FLI1: variants seen among roughly 807,000 people sequenced by gnomAD.
FLI1 encodes the protein Friend leukemia integration 1 transcription factor.
FLI1 carries 13 observed loss-of-function variants against 53.1 expected under a neutral mutation model. The ratio of observed to expected loss-of-function variants is 0.24; its 90% CI spans 0.16 to 0.39. The LOEUF is 0.39. Ranked by LOEUF, FLI1 falls within the 10% of genes least tolerant of loss-of-function variation. The pLI, the probability that FLI1 is intolerant of heterozygous loss-of-function variation, is 1.00. For synonymous variants in FLI1, 244 were observed against 236.7 expected, an observed-to-expected ratio of 1.03 and a Z score of -0.28; for missense variants, 424 against 600.5, an observed-to-expected ratio of 0.71 and a Z score of 3.07.
rs1942921526 is a variant in FLI1 at position 128,810,912 on chromosome 11, G to C, written c.1283G>C (p.Gly428Ala). The part of the protein sequence containing the change: ...AASQYWTSPT[G>A]GIYPNPNVPR... ...TCACAATACTGGACCTCCCCCACGGGGGGAATCTACCCCAACCCCAACGTC... is the reference window on the plus strand; with the variant it reads ...TCACAATACTGGACCTCCCCCACGGCGGGAATCTACCCCAACCCCAACGTC... The change falls in exon 9 of 9, where the codon GGG becomes GCG. Residue 428 changes from glycine to alanine, a missense_variant. By Grantham distance (60) the Gly-to-Ala change is moderately conservative. Coordinates refer to ENST00000527786, the MANE Select transcript of FLI1 (RefSeq NM_002017.5). The surrounding 1 kb of genome is among the most constrained non-coding windows in gnomAD (Gnocchi z 6.6). The C allele has an allele frequency of 1.2e-6, 2 of 1,613,982 alleles. No individual in the cohort carries two copies. The highest frequency in any genetic ancestry group is 2.7e-5 in the African/African-American group (2 of 75,046).
chr11:128,804,792 C>T (rs1942733047), intron 5 of FLI1: 1 of 152,144 alleles, frequency 6.6e-6, no homozygotes, highest in East Asian at 1.9e-4. Flanking sequence ...GGAGTCGGCC[C>T]CCAGGAATGT....
intron 1 of FLI1, among the ~76,000 whole-genome samples, chr11:128,745,417 G>A (rs1940337737): frequency 6.6e-6 from 1 of 152,092 alleles, no homozygotes. Flanking sequence ...TCTGCCACAT[G>A]TCACAGCAAC....
chr11:128,767,817 C>T (rs1941399803), intron 2 of FLI1, among the ~76,000 whole-genome samples: 1 of 152,114 alleles, frequency 6.6e-6, no homozygotes, highest in Admixed American at 6.5e-5. Flanking sequence ...AAAATGTAAG[C>T]TGCAGTCAGA....
intron 4 of FLI1, among the ~76,000 whole-genome samples, chr11:128,780,915 A>G (rs1363354346): frequency 1.3e-5 from 2 of 152,240 alleles, no homozygotes; most frequent in Non-Finnish European, 2.9e-5. Flanking sequence ...GGGCTCTTTA[A>G]GATTTCCTTA....
At position 128,784,268 on chromosome 11, in the gene FLI1, C is replaced by CTGCTG. The variant is rs1555122624; in HGVS notation, c.655+2245_655+2246insTGCTG. Among the ~76,000 whole-genome samples the CTGCTG allele has an allele frequency of 3.8e-4, 49 of 130,284 alleles. 2 individuals are homozygous for CTGCTG. Among genetic ancestry groups the CTGCTG allele is most frequent in the South Asian group, 2.5e-3 (10 of 3,944 alleles). The allele number at this position is 130,284 out of a possible 152,430, so 85.5% of individuals were successfully genotyped here. A position where few individuals can be genotyped will look rare whatever the true frequency, so the allele number is the denominator to read the frequency against. On this transcript the variant is annotated intron_variant, in intron 5 of 8. Coordinates refer to ENST00000527786, the MANE Select transcript of FLI1 (RefSeq NM_002017.5). The stretch of plus-strand genomic sequence containing the variant: ...TCCTCCTCCTCCTCCTCCTCCTCCT[C>CTGCTG]CTGCTGTCTTATTGTTCAGCCGTGT...
chr11:128,765,677 G>A (rs1941313910), intron 2 of FLI1, among the ~76,000 whole-genome samples: 1 of 152,232 alleles, frequency 6.6e-6, no homozygotes. Context: ...TCACTTGGTT[G>A]CAGGCCAACT....
chr11:128,726,137 T>A (rs556349925), intron 1 of FLI1, among the ~76,000 whole-genome samples: 11 of 152,066 alleles, frequency 7.2e-5, no homozygotes, highest in Non-Finnish European at 1.6e-4. Flanking sequence ...CCCCTCTCCA[T>A]CCACTCAGAA....
intron 4 of FLI1, among the ~76,000 whole-genome samples, chr11:128,777,217 G>C (rs541150136): frequency 1.3e-5 from 2 of 152,178 alleles, no homozygotes; most frequent in African/African-American, 4.8e-5. Context: ...AGGGCCGCTG[G>C]GGGGAGTTTG....
chr11:128,795,111 C>T (rs975121562), intron 5 of FLI1, among the ~76,000 whole-genome samples: 22 of 152,246 alleles, frequency 1.4e-4, no homozygotes, highest in Admixed American at 1.4e-3. Context: ...TAACATGCCT[C>T]TTTGATAAAG....
chr11:128,748,360 G>A, intron 1 of FLI1: 1 of 662,184 alleles, frequency 1.5e-6, no homozygotes, highest in Non-Finnish European at 1.9e-6. Context: ...AAGTCAGCCG[G>A]GGTCCAGGCA....
chr11:128,707,366 G>T (rs780402619), intron 1 of FLI1, among the ~76,000 whole-genome samples: 1 of 152,124 alleles, frequency 6.6e-6, no homozygotes, highest in Non-Finnish European at 1.5e-5. Flanking sequence ...TCTCAAATAC[G>T]GTCTTTGGTG....
chr11:128,688,320 T>C (rs985086590), intron 1 of FLI1, among the ~76,000 whole-genome samples: 2 of 152,226 alleles, frequency 1.3e-5, no homozygotes, highest in Non-Finnish European at 2.9e-5. Context: ...GAGAAGCTGC[T>C]CGCTGCAGGA....
At chr11:128,700,524 G>A (rs1448817620) in intron 1 of FLI1, among the ~76,000 whole-genome samples, 2 of 152,208 alleles carry the variant, frequency 1.3e-5, no homozygotes, top group African/African-American at 4.8e-5. Flanking sequence ...TGATGGAGAG[G>A]ATGGGAGTGG....
At chr11:128,722,776 T>C (rs1432202436) in intron 1 of FLI1, among the ~76,000 whole-genome samples, 1 of 152,154 alleles carries the variant, frequency 6.6e-6, no homozygotes, top group Non-Finnish European at 1.5e-5. Flanking sequence ...GAGGCCAGTG[T>C]GCAGAAAAGC....
chr11:128,771,341 G>T (rs1221862336), intron 3 of FLI1, among the ~76,000 whole-genome samples: 1 of 152,218 alleles, frequency 6.6e-6, no homozygotes, highest in Non-Finnish European at 1.5e-5. Context: ...TCTCGTGCAT[G>T]GGCAGGGCCT....
At chr11:128,796,289 T>C (rs1250706595) in intron 5 of FLI1, among the ~76,000 whole-genome samples, 1 of 152,214 alleles carries the variant, frequency 6.6e-6, no homozygotes, top group Non-Finnish European at 1.5e-5. Context: ...TTTTGAAAAA[T>C]CTTTGAGCTT....
intron 4 of FLI1, among the ~76,000 whole-genome samples, chr11:128,779,266 T>A (rs961135199): frequency 1.3e-5 from 2 of 152,208 alleles, no homozygotes; most frequent in Non-Finnish European, 1.5e-5. Flanking sequence ...GAGACCATCA[T>A]TTTTCTTTAT....
At chr11:128,747,195 C>T (rs1245037770) in intron 1 of FLI1, among the ~76,000 whole-genome samples, 1 of 152,228 alleles carries the variant, frequency 6.6e-6, no homozygotes, top group East Asian at 1.9e-4. Flanking sequence ...GGAGGAGACA[C>T]GGTGCCCATC....
Position 128,811,640 on chromosome 11 carries a change from A to G in FLI1, c.*652A>G. 4.8e-6 allele frequency: 1 copy of G among 210,368 alleles called. No homozygotes were observed. Among genetic ancestry groups the G allele is most frequent in the East Asian group, 7.2e-5 (1 of 13,912 alleles). The allele number at this position is 210,368 out of a possible 1,614,324, so 13.0% of individuals were successfully genotyped here. Reference sequence around the variant, plus strand: ...GAAATAGTCAAGATATGAACTAAGAAATTTTAATGCAAATACATACATTCC... The same window carrying G: ...GAAATAGTCAAGATATGAACTAAGAGATTTTAATGCAAATACATACATTCC... On this transcript the variant is annotated 3_prime_UTR_variant, in exon 9 of 9. Coordinates refer to ENST00000527786, the MANE Select transcript of FLI1 (RefSeq NM_002017.5).
Sources: allele counts gnomAD v4.1 joint callset (sites outside exome capture counted in the v4.1 genomes callset), GRCh38; gene constraint gnomAD v4.1.1; non-coding constraint Gnocchi (gnomAD v3.1); transcripts MANE v1.5; gene names NCBI Gene and HGNC (gene_info 2026-07-23, HGNC 2026-07-21).